GLI4: variants seen among roughly 807,000 people sequenced by gnomAD.
GLI4 encodes GLI family zinc finger 4.
A neutral mutation model predicts 30.9 loss-of-function variants in GLI4; 34 were observed. The ratio of observed to expected loss-of-function variants is 1.10; its 90% CI spans 0.84 to 1.47. The LOEUF (loss-of-function observed/expected upper bound fraction) is 1.47. GLI4 is among the 40% of genes most tolerant of loss of function. The pLI is 0.00. For missense variants in GLI4, 696 were observed against 538.9 expected (o/e 1.29, Z -2.89); for synonymous variants, 277 against 236.7 (o/e 1.17, Z -1.56).
Position 143,267,494 on chromosome 8 carries a change from C to T in GLI4, c.-38+10C>T, listed in dbSNP as rs549138974. The T allele has an allele frequency of 1.6e-4, 162 of 985,922 alleles. No individual in the cohort carries two copies. Among genetic ancestry groups the T allele is most frequent in the Admixed American group, 1.2e-4 (2 of 16,252 alleles). The allele number at this position is 985,922 out of a possible 1,614,324, so 61.1% of individuals were successfully genotyped here. A position where few individuals can be genotyped will look rare whatever the true frequency, so the allele number is the denominator to read the frequency against. On this transcript the variant is annotated intron_variant, in intron 1 of 3. Transcript: ENST00000340042. ...TCCTCCCGCTCGGAAGGTGAGTGGG[C>T]GCGGGCGGCGGCGGCGGCTCCGGGT...
chr8:143,275,416 G>C (rs1044328158), intron 3 of GLI4: 1 of 1,385,842 alleles, frequency 7.2e-7, no homozygotes, highest in Non-Finnish European at 9.3e-7. Flanking sequence ...AAGCTCCTGG[G>C]GTGGGCATGG....
rs550229106 is a variant in GLI4 at position 143,267,964 on chromosome 8, T to G, written c.-38+480T>G. Reference sequence around the variant, plus strand: ...CCGCTGGCAGGAGTGCCCTTCCCCCTTCAGTCTGGAGCTCAGAGTTTGTGC... The same window carrying G: ...CCGCTGGCAGGAGTGCCCTTCCCCCGTCAGTCTGGAGCTCAGAGTTTGTGC... On this transcript the variant is annotated intron_variant, in intron 1 of 3. Coordinates refer to ENST00000340042, the MANE Select transcript of GLI4 (RefSeq NM_138465.4). 18 of 985,394 alleles carry G rather than the reference T, an allele frequency of 1.8e-5. No homozygotes were observed. In the African/African-American group the frequency reaches 3.0e-4, roughly 16 times the overall value. The allele number at this position is 985,394 out of a possible 1,614,324, so 61.0% of individuals were successfully genotyped here. A position where few individuals can be genotyped will look rare whatever the true frequency, so the allele number is the denominator to read the frequency against.
chr8:143,267,801 G>C (rs1365287930), intron 1 of GLI4: 1 of 985,242 alleles, frequency 1.0e-6, no homozygotes, highest in East Asian at 1.1e-4. Flanking sequence ...AGGCCCGGAG[G>C]TCCCGCCGCT....
rs1483581531 is a variant in GLI4 at position 143,276,701 on chromosome 8, G to C, written c.1028G>C (p.Arg343Pro). The change falls in exon 4 of 4, where the codon CGG (arginine) becomes CCG (proline). Residue 343 changes from arginine (R) to proline (P), a missense_variant. Physicochemically the swap from Arg to Pro is moderately radical, Grantham distance 103. Transcript: ENST00000340042. ...RGRSHFFRHL[R>P]THTGEKPFAC... Reference sequence around the variant, plus strand: ...CGCTCGCACTTCTTCCGGCACCTGCGGACCCACACGGGCGAGAAGCCCTTC... The same window carrying C: ...CGCTCGCACTTCTTCCGGCACCTGCCGACCCACACGGGCGAGAAGCCCTTC... 8 of 1,611,098 alleles carry C rather than the reference G, an allele frequency of 5.0e-6. No individual in the cohort carries two copies. Among genetic ancestry groups the C allele is most frequent in the Admixed American group, 3.3e-5 (2 of 59,810 alleles).
At chr8:143,272,956 G>A (rs371283958) in intron 2 of GLI4, 2 of 152,226 alleles carry the variant, frequency 1.3e-5, no homozygotes, top group East Asian at 1.9e-4. Context: ...AGCTGGCAGC[G>A]GCTTTGGCGT....
intron 3 of GLI4, 188 bp downstream of exon 3, chr8:143,274,990 T>A: frequency 6.7e-7 from 1 of 1,496,202 alleles, no homozygotes; most frequent in Non-Finnish European, 8.9e-7. Context: ...CAGTTACTGA[T>A]GCTTCCCGAG....
At chr8:143,268,700 G>A (rs371446315) in intron 1 of GLI4, among the ~76,000 whole-genome samples, 1 of 152,278 alleles carries the variant, frequency 6.6e-6, no homozygotes, top group African/African-American at 2.4e-5. Flanking sequence ...TTCTCTGGGG[G>A]AGGGGTGATG....
chr8:143,267,696 G>GC, intron 1 of GLI4: 1 of 985,384 alleles, frequency 1.0e-6, no homozygotes, highest in Non-Finnish European at 1.2e-6. Context: ...CCGCCCAGCG[G>GC]CCCTGGCGAT....
chr8:143,270,015 G>C (rs900750459), intron 2 of GLI4, among the ~76,000 whole-genome samples: 7 of 152,198 alleles, frequency 4.6e-5, no homozygotes, highest in Non-Finnish European at 8.8e-5. Context: ...TTGAGGTGTG[G>C]GGGAGTCCCA....
intron 2 of GLI4, chr8:143,273,504 G>C (rs1006555444): frequency 6.6e-6 from 1 of 152,296 alleles, no homozygotes; most frequent in Non-Finnish European, 1.5e-5. Context: ...AGGGCGTGTC[G>C]GGTGAGTGAG....
intron 2 of GLI4, 38 bp from the exon 3 acceptor site, chr8:143,274,666 A>G (rs1337362079): frequency 2.0e-6 from 3 of 1,523,076 alleles, no homozygotes; most frequent in African/African-American, 2.8e-5. Context: ...GCAGTGGTCC[A>G]GAGGGTGGAG....
chr8:143,275,507 C>G, intron 3 of GLI4: 2 of 1,276,440 alleles, frequency 1.6e-6, no homozygotes, highest in Non-Finnish European at 2.0e-6. Flanking sequence ...ACATCCTCGG[C>G]AAGGGCTTTG....
Position 143,275,943 on chromosome 8 carries a change from G to T in GLI4, c.270G>T (p.Gln90His). The change falls in exon 4 of 4, where the codon CAG becomes CAT. Residue 90 changes from glutamine to histidine, a missense_variant. Gln to His is a conservative substitution (Grantham distance 24). Transcript: ENST00000340042. ...AGGCTCCACGCTCTCCTGGCTCTCAGGCCCCTGACGAGGGGGCGGGCGGGG... is the reference window on the plus strand; with the variant it reads ...AGGCTCCACGCTCTCCTGGCTCTCATGCCCCTGACGAGGGGGCGGGCGGGG... ...PEQAPRSPGS[Q>H]APDEGAGGAL... 7.5e-7 allele frequency: 1 copy of T among 1,330,748 alleles called. No individual in the cohort carries two copies. 82.4% of individuals were successfully genotyped at this position (1,330,748 alleles called of 1,614,324 possible).
intron 3 of GLI4, chr8:143,275,282 T>G (rs1815359037): frequency 6.7e-7 from 1 of 1,495,668 alleles, no homozygotes; most frequent in Non-Finnish European, 8.9e-7. Flanking sequence ...CTGGGCGATG[T>G]TAGTGATATG....
chr8:143,275,174 T>C, intron 3 of GLI4: 1 of 1,534,708 alleles, frequency 6.5e-7, no homozygotes, highest in Non-Finnish European at 8.7e-7. Context: ...CTGTGTCCCC[T>C]CCTCCTCCTG....
At chr8:143,275,227 C>G in intron 3 of GLI4, 1 of 1,533,164 alleles carries the variant, frequency 6.5e-7, no homozygotes, top group Non-Finnish European at 8.7e-7. Context: ...GGAGCTGTGT[C>G]CAGGTCCCCT....
chr8:143,268,768 C>T (rs187691005), intron 1 of GLI4, among the ~76,000 whole-genome samples: 1 of 152,178 alleles, frequency 6.6e-6, no homozygotes, highest in East Asian at 1.9e-4. Context: ...CGCTTCAGCC[C>T]CCACAGGCGT....
intron 1 of GLI4, among the ~76,000 whole-genome samples, chr8:143,268,268 C>T (rs1411392634): frequency 2.6e-5 from 4 of 152,244 alleles, no homozygotes; most frequent in Non-Finnish European, 5.9e-5. Flanking sequence ...TTCCTCGAAG[C>T]AGGCACTGTC....
intron 3 of GLI4, 99 bp from the exon 4 acceptor site, chr8:143,275,797 AG>A (rs1815370728): frequency 5.5e-5 from 69 of 1,243,434 alleles, no homozygotes; most frequent in Non-Finnish European, 6.8e-5. Flanking sequence ...GTCCCCTCTA[AG>A]CCCCCCCGTC....
Sources: gnomAD v4.1 joint callset for allele counts (sites outside exome capture counted in the v4.1 genomes callset) on GRCh38, gnomAD v4.1.1 for gene constraint, MANE v1.5 for transcripts, NCBI Gene and HGNC (gene_info 2026-07-23, HGNC 2026-07-21) for gene names.